Variants in LRRC4C observed in about 807,000 individuals in gnomAD.
The protein encoded by LRRC4C is leucine-rich repeat-containing protein 4C.
LRRC4C carries 5 observed loss-of-function variants against 33.6 expected under a neutral mutation model. That is an observed-to-expected ratio of 0.15 (90% CI 0.08 to 0.31). LRRC4C has a LOEUF of 0.31. Ranked by LOEUF, LRRC4C falls within the 10% of genes least tolerant of loss-of-function variation. LRRC4C has a pLI of 1.00. For synonymous variants in LRRC4C, 329 were observed against 302.0 expected (o/e 1.09, Z -0.93); for missense variants, 560 against 796.7 (o/e 0.70, Z 3.58).
chr11:40,149,512 T>C (rs1211677249), intron 5 of LRRC4C, among the ~76,000 whole-genome samples: 1 of 152,188 alleles, frequency 6.6e-6, no homozygotes, highest in Non-Finnish European at 1.5e-5. Flanking sequence ...ATAGGAATGC[T>C]AGTGATTTTT....
At chr11:41,105,441 C>G (rs968021863) in intron 1 of LRRC4C, among the ~76,000 whole-genome samples, 2 of 151,928 alleles carry the variant, frequency 1.3e-5, no homozygotes, top group African/African-American at 4.8e-5. Flanking sequence ...CTGGTCTGCT[C>G]TTTAGTCTAT....
At chr11:41,389,919 T>G (rs906916026) in intron 1 of LRRC4C, among the ~76,000 whole-genome samples, 1 of 151,846 alleles carries the variant, frequency 6.6e-6, no homozygotes, top group Non-Finnish European at 1.5e-5. Flanking sequence ...CTTAAGAAAC[T>G]ATAATATGCT....
intron 2 of LRRC4C, among the ~76,000 whole-genome samples, chr11:40,892,774 G>A (rs1387404186): frequency 6.6e-6 from 1 of 152,148 alleles, no homozygotes; most frequent in East Asian, 1.9e-4. Context: ...CAGGTTACCA[G>A]CGGCTGGGGG....
At chr11:41,437,600 C>T (rs1373231358) in intron 1 of LRRC4C, among the ~76,000 whole-genome samples, 2 of 152,182 alleles carry the variant, frequency 1.3e-5, no homozygotes, top group East Asian at 1.9e-4. Flanking sequence ...TTCCAAAATG[C>T]TTCTGCCCCA....
chr11:40,588,492 T>C (rs1958872095), intron 3 of LRRC4C, among the ~76,000 whole-genome samples: 2 of 151,700 alleles, frequency 1.3e-5, no homozygotes, highest in South Asian at 4.2e-4. Flanking sequence ...TCTGCTCTGA[T>C]TTTAGTTATT....
chr11:41,357,565 G>T (rs997363233), intron 1 of LRRC4C, among the ~76,000 whole-genome samples: 1 of 151,954 alleles, frequency 6.6e-6, no homozygotes, highest in Non-Finnish European at 1.5e-5. Context: ...CTGGATTTGC[G>T]TATTTTCTCT....
At chr11:40,208,285 T>C (rs1565135068) in intron 5 of LRRC4C, among the ~76,000 whole-genome samples, 1 of 152,080 alleles carries the variant, frequency 6.6e-6, no homozygotes, top group Admixed American at 6.6e-5. Flanking sequence ...AAATTGCAAA[T>C]GAAGACAAAG....
chr11:41,160,460 A>G (rs1003437662), intron 1 of LRRC4C, among the ~76,000 whole-genome samples: 1 of 151,998 alleles, frequency 6.6e-6, no homozygotes, highest in African/African-American at 2.4e-5. Flanking sequence ...AGAAATTTTT[A>G]TCAAGTTTGT....
At chr11:40,691,767 A>G (rs960397462) in intron 2 of LRRC4C, among the ~76,000 whole-genome samples, 4 of 152,102 alleles carry the variant, frequency 2.6e-5, no homozygotes, top group African/African-American at 9.7e-5. Flanking sequence ...TCTTAGCAAA[A>G]TACTTTGTTA....
chr11:41,074,031 A>T (rs1938920391), intron 1 of LRRC4C, among the ~76,000 whole-genome samples: 1 of 152,214 alleles, frequency 6.6e-6, no homozygotes, highest in South Asian at 2.1e-4. Flanking sequence ...ATGCTATTTC[A>T]GATACAACTT....
intron 3 of LRRC4C, among the ~76,000 whole-genome samples, chr11:40,378,783 TG>T (rs1264805602): frequency 6.6e-6 from 1 of 152,122 alleles, no homozygotes; most frequent in Non-Finnish European, 1.5e-5. Context: ...CACAAAACTA[TG>T]CTTATACTAT....
chr11:40,346,707 G>A (rs765558982), intron 3 of LRRC4C, among the ~76,000 whole-genome samples: 5 of 152,052 alleles, frequency 3.3e-5, no homozygotes, highest in South Asian at 2.1e-4. Flanking sequence ...TAAAATAAAC[G>A]TTTTTTTAAA....
At chr11:41,126,548 G>A (rs1942750860) in intron 1 of LRRC4C, among the ~76,000 whole-genome samples, 1 of 151,910 alleles carries the variant, frequency 6.6e-6, no homozygotes, top group Non-Finnish European at 1.5e-5. Context: ...CGCAGAAGGT[G>A]GCCAGCAGCA....
At chr11:40,167,574 A>G (rs1221344113) in intron 5 of LRRC4C, among the ~76,000 whole-genome samples, 4 of 152,136 alleles carry the variant, frequency 2.6e-5, no homozygotes, top group Non-Finnish European at 5.9e-5. Context: ...ATCCATAGAA[A>G]TCACTAGTGA....
chr11:40,659,601 A>C (rs1361384006), intron 2 of LRRC4C, among the ~76,000 whole-genome samples: 1 of 152,190 alleles, frequency 6.6e-6, no homozygotes, highest in Non-Finnish European at 1.5e-5. Context: ...ACTACCAGCT[A>C]TGGGAAGGAA....
At chr11:40,717,288 C>T (rs866400994) in intron 2 of LRRC4C, among the ~76,000 whole-genome samples, 430 of 134,568 alleles carry the variant, frequency 3.2e-3, no homozygotes, top group African/African-American at 0.011. Flanking sequence ...TTTTTTTTTT[C>T]AAGAAAATGA....
At chr11:40,935,062 G>A (rs1957810930) in intron 1 of LRRC4C, among the ~76,000 whole-genome samples, 1 of 152,084 alleles carries the variant, frequency 6.6e-6, no homozygotes, top group Admixed American at 6.6e-5. Flanking sequence ...TTGACAAACA[G>A]ACTTTTTAAA....
At chr11:40,872,317 TA>T (rs34490125) in intron 2 of LRRC4C, among the ~76,000 whole-genome samples, 132 of 146,060 alleles carry the variant, frequency 9.0e-4, no homozygotes, top group Middle Eastern at 3.5e-3. Context: ...GGCTGAAAGT[TA>T]AAAAAAAAAA....
At chr11:40,648,447 T>TTTTAAAAACTATATCA (rs1274975570) in intron 2 of LRRC4C, among the ~76,000 whole-genome samples, 169 bp from the exon 3 acceptor site, 10 of 152,236 alleles carry the variant, frequency 6.6e-5, no homozygotes, top group African/African-American at 2.4e-4. Flanking sequence ...ATATTTTCTC[T>TTTTAAAAACTATATCA]TTTAAAAACT....
Sources: gnomAD v4.1 joint callset for allele counts (sites outside exome capture counted in the v4.1 genomes callset) on GRCh38, gnomAD v4.1.1 for gene constraint, MANE v1.5 for transcripts, NCBI Gene and HGNC (gene_info 2026-07-23, HGNC 2026-07-21) for gene names.